Variants in RIMS1 observed in about 807,000 individuals in gnomAD.
RIMS1 encodes regulating synaptic membrane exocytosis 1, also known as regulating synaptic membrane exocytosis protein 1.
RIMS1 carries 83 observed loss-of-function variants against 214.1 expected under a neutral mutation model. The ratio of observed to expected loss-of-function variants is 0.39; its 90% CI spans 0.32 to 0.47. The LOEUF is 0.47. RIMS1 is among the 20% of genes least tolerant of loss of function. The probability of loss-of-function intolerance (pLI) is 0.99; values close to 1 mark genes in which losing one functional copy is unlikely to be tolerated. For missense variants in RIMS1, 2,050 were observed against 2,161.8 expected (o/e 0.95, Z 1.03); for synonymous variants, 793 against 786.8 (o/e 1.01, Z -0.13).
intron 29 of RIMS1, among the ~76,000 whole-genome samples, chr6:72,341,720 G>A (rs1338290265): frequency 6.6e-6 from 1 of 151,720 alleles, no homozygotes; most frequent in Non-Finnish European, 1.5e-5. Context: ...ATAAAATCTA[G>A]TTCTATTTAT....
intron 4 of RIMS1, among the ~76,000 whole-genome samples, chr6:72,134,730 A>G (rs1047388309): frequency 3.9e-5 from 6 of 152,250 alleles, no homozygotes; most frequent in African/African-American, 1.4e-4. Context: ...TGACTGTCAC[A>G]TTTGATAGTG....
intron 9 of RIMS1, 42 bp from the exon 10 acceptor site, chr6:72,242,272 G>T: frequency 1.4e-6 from 2 of 1,410,850 alleles, no homozygotes. Context: ...AAAATAAACA[G>T]AATATATAAG....
chr6:72,351,425 G>C (rs2097442313), intron 29 of RIMS1, among the ~76,000 whole-genome samples: 1 of 152,152 alleles, frequency 6.6e-6, no homozygotes, highest in African/African-American at 2.4e-5. Context: ...GAATGGCTAA[G>C]AGTTGTTCAG....
At chr6:72,235,487 C>T (rs1307423666) in intron 7 of RIMS1, 131 bp from the exon 8 acceptor site, 2 of 575,688 alleles carry the variant, frequency 3.5e-6, no homozygotes, top group Non-Finnish European at 6.2e-6. Context: ...ATGTTCCTGG[C>T]TTATTTCACT....
At position 72,149,531 on chromosome 6, in the gene RIMS1, G is replaced by A. The variant is rs115173734; in HGVS notation, c.472-30044G>A. On this transcript the variant is annotated intron_variant, in intron 4 of 33. Coordinates refer to ENST00000521978, the MANE Select transcript of RIMS1 (RefSeq NM_014989.7). ...GATTCCTTACACCTGAGAGTGATGG[G>A]GGTGGGGGTGGTGGCAGAGCCCTCC... is the stretch of plus-strand genomic sequence containing the variant. Among the ~76,000 whole-genome samples the A allele has an allele frequency of 2.0e-3, 310 of 152,172 alleles. 1 individual carries two copies. The highest frequency in any genetic ancestry group is 6.7e-3 in the African/African-American group (278 of 41,522).
At chr6:72,369,864 C>T (rs1468024845) in intron 29 of RIMS1, among the ~76,000 whole-genome samples, 1 of 152,174 alleles carries the variant, frequency 6.6e-6, no homozygotes, top group African/African-American at 2.4e-5. Flanking sequence ...ATTTGCAACT[C>T]ATGAAAGCTA....
chr6:72,233,352 A>G (rs2807505), intron 6 of RIMS1, among the ~76,000 whole-genome samples: 94,659 of 151,332 alleles, frequency 0.63, 30,075 homozygotes, highest in East Asian at 0.98. Flanking sequence ...ATAATTTTGA[A>G]AGATATTATT....
intron 2 of RIMS1, among the ~76,000 whole-genome samples, chr6:72,064,996 G>A (rs1828922835): frequency 6.6e-5 from 10 of 152,076 alleles, no homozygotes; most frequent in Admixed American, 6.6e-4. Flanking sequence ...ATAATAGAGA[G>A]CAATAGTATG....
At chr6:72,192,118 C>T (rs1201469225) in intron 6 of RIMS1, among the ~76,000 whole-genome samples, 1 of 152,108 alleles carries the variant, frequency 6.6e-6, no homozygotes, top group Non-Finnish European at 1.5e-5. Context: ...GGGAAATGGC[C>T]ACAGGATGTG....
chr6:72,197,912 G>T (rs1364265031), intron 6 of RIMS1, among the ~76,000 whole-genome samples: 1 of 152,062 alleles, frequency 6.6e-6, no homozygotes, highest in Non-Finnish European at 1.5e-5. Flanking sequence ...GGGGAAAAAT[G>T]TATAAGCTTT....
At chr6:72,113,432 G>A (rs539468225) in intron 4 of RIMS1, among the ~76,000 whole-genome samples, 2 of 152,030 alleles carry the variant, frequency 1.3e-5, no homozygotes, top group African/African-American at 2.4e-5. Context: ...TTAGGAAATT[G>A]TGTTTTTGAA....
chr6:72,303,506 A>T (rs1375006400), intron 26 of RIMS1, among the ~76,000 whole-genome samples: 2 of 151,258 alleles, frequency 1.3e-5, no homozygotes, highest in Admixed American at 6.6e-5. Flanking sequence ...GTACTTTGTA[A>T]ATTATATTTA....
intron 24 of RIMS1, among the ~76,000 whole-genome samples, chr6:72,287,070 C>G (rs1729783748): frequency 6.6e-6 from 1 of 152,164 alleles, no homozygotes; most frequent in Non-Finnish European, 1.5e-5. Context: ...TGAATTCACC[C>G]TTGAGAACTG....
chr6:72,183,696 A>C (rs1432738489), intron 6 of RIMS1, among the ~76,000 whole-genome samples: 4 of 151,966 alleles, frequency 2.6e-5, no homozygotes, highest in Admixed American at 1.3e-4. Flanking sequence ...TTCAATAAAT[A>C]TACTGGATTT....
chr6:72,183,982 G>T (rs1230174812), intron 6 of RIMS1, among the ~76,000 whole-genome samples: 2 of 152,176 alleles, frequency 1.3e-5, no homozygotes, highest in African/African-American at 2.4e-5. Flanking sequence ...AATCATAGCT[G>T]CATGAAATTA....
At chr6:72,388,633 G>C (rs1439900380) in intron 29 of RIMS1, among the ~76,000 whole-genome samples, 2 of 152,210 alleles carry the variant, frequency 1.3e-5, no homozygotes, top group Non-Finnish European at 2.9e-5. Flanking sequence ...AGTGATGATA[G>C]TGTCTGGACA....
chr6:72,006,171 G>A (rs1198363699), intron 2 of RIMS1, among the ~76,000 whole-genome samples: 2 of 152,088 alleles, frequency 1.3e-5, no homozygotes, highest in African/African-American at 4.8e-5. Flanking sequence ...TAAGGGCTCT[G>A]CCCTCATGAT....
At chr6:72,037,343 T>C (rs1819926457) in intron 2 of RIMS1, among the ~76,000 whole-genome samples, 2 of 152,070 alleles carry the variant, frequency 1.3e-5, no homozygotes, top group Admixed American at 1.3e-4. Context: ...TTTGGTATTC[T>C]CATAATGAGA....
At chr6:72,104,767 ATTTTCAGATACTT>A (rs2034384656) in intron 4 of RIMS1, among the ~76,000 whole-genome samples, 1 of 152,084 alleles carries the variant, frequency 6.6e-6, no homozygotes, top group African/African-American at 2.4e-5. Context: ...ACTTCAGACA[ATTTTCAGATACTT>A]TAAATGACTG....
Sources: gnomAD v4.1 joint callset for allele counts (sites outside exome capture counted in the v4.1 genomes callset) on GRCh38, gnomAD v4.1.1 for gene constraint, MANE v1.5 for transcripts, NCBI Gene and HGNC (gene_info 2026-07-23, HGNC 2026-07-21) for gene names.